The following AFF1 variants were observed in gnomAD, a reference collection of about 807,000 sequenced individuals.
AFF1 encodes AF4/FMR2 family member 1.
AFF1 carries 48 observed loss-of-function variants against 121.7 expected under a neutral mutation model. The observed-to-expected ratio is 0.39, with a 90% CI of 0.31 to 0.50. The LOEUF (loss-of-function observed/expected upper bound fraction) is 0.50, where lower values mean the gene tolerates loss of function less well. AFF1 is among the 20% of genes least tolerant of loss of function. The probability of loss-of-function intolerance (pLI) is 0.76; values close to 1 mark genes in which losing one functional copy is unlikely to be tolerated. For missense variants in AFF1, 1,523 were observed against 1,511.7 expected (o/e 1.01, Z -0.12); for synonymous variants, 613 against 563.0 (o/e 1.09, Z -1.26).
intron 7 of AFF1, among the ~76,000 whole-genome samples, chr4:87,092,238 G>A (rs1185911084): frequency 6.6e-6 from 1 of 152,184 alleles, no homozygotes; most frequent in Non-Finnish European, 1.5e-5. Context: ...AGCCAAGATT[G>A]TGGCACTGCA....
rs144436182 is a variant in AFF1, at chr4:87,140,902, C to T, written c.*5201C>T. On this transcript the variant is annotated 3_prime_UTR_variant, in exon 21 of 21. Coordinates refer to ENST00000395146, the MANE Select transcript of AFF1 (RefSeq NM_001166693.3). ...AGATCTTTCCAAAGACAATGTGCCACAGATCTTTTGTTCTCTGTAATGAGG... is the reference window on the plus strand; with the variant it reads ...AGATCTTTCCAAAGACAATGTGCCATAGATCTTTTGTTCTCTGTAATGAGG... The T allele has an allele frequency of 4.3e-5, 8 of 183,912 alleles. No homozygotes were observed. In the East Asian group the frequency reaches 7.1e-4, roughly 16 times the overall value. 11.4% of individuals were successfully genotyped at this position (183,912 alleles called of 1,614,324 possible). A position where few individuals can be genotyped will look rare whatever the true frequency, so the allele number is the denominator to read the frequency against.
In AFF1 at chr4:86,969,879, C is replaced by CAAAAAAAAAAAAAAA. The variant is rs70953629; in HGVS notation, c.38+21312_38+21326dup. On this transcript the variant is annotated intron_variant, in intron 2 of 20. Transcript: ENST00000395146. The stretch of plus-strand genomic sequence containing the variant: ...TGGGCGGAAGAGCGAGACTCCGTCT[C>CAAAAAAAAAAAAAAA]AAAAAAAAAAAAAAAAAAGGTAAGA... Among the ~76,000 whole-genome samples, 45 of 63,620 alleles carry CAAAAAAAAAAAAAAA rather than the reference C, an allele frequency of 7.1e-4. 7 individuals carry two copies. Among genetic ancestry groups the CAAAAAAAAAAAAAAA allele is most frequent in the Non-Finnish European group, 9.3e-4 (30 of 32,308 alleles). 41.7% of individuals were successfully genotyped at this position (63,620 alleles called of 152,430 possible).
At chr4:87,064,925 G>C (rs1251295482) in intron 4 of AFF1, among the ~76,000 whole-genome samples, 1 of 150,714 alleles carries the variant, frequency 6.6e-6, no homozygotes, top group African/African-American at 2.4e-5. Context: ...TGCGGTCCCA[G>C]CTGCTCAGGA....
intron 11 of AFF1, among the ~76,000 whole-genome samples, chr4:87,112,774 A>G (rs927701757): frequency 2.0e-5 from 3 of 152,198 alleles, no homozygotes; most frequent in African/African-American, 7.2e-5. Flanking sequence ...TCTTTCAACT[A>G]ATTTTCTGAT....
chr4:87,128,693 CAG>C (rs1267272554), intron 16 of AFF1, among the ~76,000 whole-genome samples: 1 of 152,226 alleles, frequency 6.6e-6, no homozygotes. Flanking sequence ...TATCTCTTCT[CAG>C]ACTCTTTCAT....
chr4:87,048,025 T>A (rs78709148), intron 4 of AFF1: 7,095 of 191,910 alleles, frequency 0.037, 446 homozygotes, highest in African/African-American at 0.15. Flanking sequence ...CACGAAAAAA[T>A]TTTTTTTGAT....
intron 2 of AFF1, among the ~76,000 whole-genome samples, chr4:86,953,763 A>G (rs1369654248): frequency 6.6e-6 from 1 of 151,360 alleles, no homozygotes; most frequent in Non-Finnish European, 1.5e-5. Flanking sequence ...CTTGTCGCCC[A>G]GGCTGGAATG....
At chr4:87,013,320 G>A (rs367705624) in intron 2 of AFF1, among the ~76,000 whole-genome samples, 3 of 152,096 alleles carry the variant, frequency 2.0e-5, no homozygotes, top group East Asian at 3.9e-4. Context: ...GATTACAGGC[G>A]TGAGCCACCC....
At chr4:86,941,104 CTGT>C (rs1304150401) in intron 1 of AFF1, among the ~76,000 whole-genome samples, 1 of 152,032 alleles carries the variant, frequency 6.6e-6, no homozygotes, top group Non-Finnish European at 1.5e-5. Flanking sequence ...AAAACAAAAC[CTGT>C]GAAGGGAGAG....
At chr4:87,080,661 G>A (rs1723072778) in intron 4 of AFF1, among the ~76,000 whole-genome samples, 1 of 152,206 alleles carries the variant, frequency 6.6e-6, no homozygotes, top group Non-Finnish European at 1.5e-5. Context: ...CCCCATCTCT[G>A]TAAAAGAAGG....
chr4:86,938,115 T>C (rs1444753309), intron 1 of AFF1, among the ~76,000 whole-genome samples: 1 of 152,146 alleles, frequency 6.6e-6, no homozygotes, highest in Non-Finnish European at 1.5e-5. Context: ...ACTAATTTTT[T>C]GGGAGATTGA....
chr4:86,982,086 C>T (rs1430666580), intron 2 of AFF1, among the ~76,000 whole-genome samples: 2 of 152,276 alleles, frequency 1.3e-5, no homozygotes, highest in South Asian at 4.1e-4. Flanking sequence ...AAATAGCTGA[C>T]TGTGGGAATG....
At chr4:87,047,627 A>C in intron 4 of AFF1, 33 bp downstream of exon 4, 1 of 1,613,140 alleles carries the variant, frequency 6.2e-7, no homozygotes, top group Non-Finnish European at 8.5e-7. Context: ...GGGAATTCCA[A>C]TTCGAAGACG....
intron 19 of AFF1, 52 bp from the exon 20 acceptor site, chr4:87,134,418 AG>A: frequency 6.9e-7 from 1 of 1,454,522 alleles, no homozygotes; most frequent in Non-Finnish European, 9.3e-7. Context: ...TCTGTGATCC[AG>A]GGGTCTACTG....
intron 2 of AFF1, among the ~76,000 whole-genome samples, chr4:86,959,956 G>T (rs976486721): frequency 1.3e-5 from 2 of 152,148 alleles, no homozygotes; most frequent in East Asian, 3.9e-4. Flanking sequence ...CCAGGGCCTC[G>T]TTTGCAAATG....
In AFF1 at chr4:87,135,719, TC is replaced by T. The variant is rs1560668679; in HGVS notation, c.*19del. The T allele has an allele frequency of 3.7e-6, 6 of 1,606,578 alleles. No homozygotes were observed. Among genetic ancestry groups the T allele is most frequent in the Non-Finnish European group, 4.3e-6 (5 of 1,176,362 alleles). ...CACCTTAATGGAGCCCCAGGTTGAT[TC>T]AATGCCTTGGGAACTATTTTTGCAC... On this transcript the variant is annotated 3_prime_UTR_variant, in exon 21 of 21. Transcript: ENST00000395146.
intron 8 of AFF1, among the ~76,000 whole-genome samples, chr4:87,101,849 T>G (rs1204686485): frequency 1.3e-5 from 2 of 152,218 alleles, no homozygotes; most frequent in Non-Finnish European, 2.9e-5. Flanking sequence ...TCTTAAGAAA[T>G]GTTAAGCCAA....
intron 2 of AFF1, among the ~76,000 whole-genome samples, chr4:87,020,154 G>A (rs908017773): frequency 7.2e-5 from 11 of 152,170 alleles, no homozygotes; most frequent in African/African-American, 2.7e-4. Context: ...GTGTATCACA[G>A]CTATATTTAA....
intron 2 of AFF1, among the ~76,000 whole-genome samples, chr4:86,985,417 A>C (rs979033757): frequency 2.7e-4 from 40 of 150,650 alleles, no homozygotes; most frequent in African/African-American, 9.8e-4. Context: ...AGCCTGAGAC[A>C]GGAGAATTGC....
Sources: gnomAD v4.1 joint callset for allele counts (sites outside exome capture counted in the v4.1 genomes callset) on GRCh38, gnomAD v4.1.1 for gene constraint, MANE v1.5 for transcripts, NCBI Gene and HGNC (gene_info 2026-07-23, HGNC 2026-07-21) for gene names.